EPCAM: variants seen among roughly 807,000 people sequenced by gnomAD.
The protein encoded by EPCAM is epithelial cell adhesion molecule.
EPCAM carries 39 observed loss-of-function variants against 40.0 expected under a neutral mutation model. The ratio of observed to expected loss-of-function variants is 0.98; its 90% CI spans 0.76 to 1.27. The LOEUF is 1.27. Among genes scored for constraint, EPCAM ranks in the 50% most tolerant of loss-of-function variants. The pLI, the probability that EPCAM is intolerant of heterozygous loss-of-function variation, is 0.00. For missense variants in EPCAM, 503 were observed against 381.2 expected (o/e 1.32, Z -2.66); for synonymous variants, 168 against 132.3 (o/e 1.27, Z -1.85).
chr2:47,386,631 T>A lies in EPCAM; in HGVS notation c.*18T>A. On this transcript the variant is annotated 3_prime_UTR_variant, in exon 9 of 9. Transcript: ENST00000263735. Reference sequence around the variant, plus strand: ...ATGCATAACTATATAATTTGAAGATTATAGAAGAAGGGAAATAGCAAATGG... The same window carrying A: ...ATGCATAACTATATAATTTGAAGATAATAGAAGAAGGGAAATAGCAAATGG... The A allele has an allele frequency of 4.4e-6, 7 of 1,575,336 alleles. No homozygotes were observed. Among genetic ancestry groups the A allele is most frequent in the Non-Finnish European group, 6.1e-6 (7 of 1,145,824 alleles).
At chr2:47,379,687 G>C in intron 6 of EPCAM, 82 bp from the exon 7 acceptor site, 1 of 1,456,732 alleles carries the variant, frequency 6.9e-7, no homozygotes, top group Non-Finnish European at 9.5e-7. Flanking sequence ...GGTTCTTTTG[G>C]CATACAATTT....
rs749330159 is a variant in EPCAM, at chr2:47,369,810, G to C, written c.76+229G>C. 1.5e-5 allele frequency: 10 copies of C among 673,868 alleles called. No individual in the cohort carries two copies. The East Asian group carries it at 2.8e-4, about 19-fold the overall frequency. The allele number at this position is 673,868 out of a possible 1,614,324, so 41.7% of individuals were successfully genotyped here. A position where few individuals can be genotyped will look rare whatever the true frequency, so the allele number is the denominator to read the frequency against. On this transcript the variant is annotated intron_variant, in intron 1 of 8. Transcript: ENST00000263735. Reference sequence around the variant, plus strand: ...TCACTTCGCAGCTTTGCTCGCCTTGGTAGGGAAATGGCCTTGGGCGGAGGC... The same window carrying C: ...TCACTTCGCAGCTTTGCTCGCCTTGCTAGGGAAATGGCCTTGGGCGGAGGC...
chr2:47,373,867 G>C lies in EPCAM; in HGVS notation c.244G>C (p.Ala82Pro), dbSNP rs769626395. The C allele has an allele frequency of 1.2e-6, 2 of 1,614,064 alleles. No homozygotes were observed. Among genetic ancestry groups the C allele is most frequent in the East Asian group, 2.2e-5 (1 of 44,880 alleles). ...EMNGSKLGRR[A>P]KPEGALQNND... ...GAATGGCTCAAAACTTGGGAGAAGA[G>C]CAAAACCTGAAGGGGCCCTCCAGAA... The change falls in exon 3 of 9, where the codon GCA (alanine) becomes CCA (proline). Residue 82 changes from alanine (A) to proline (P), a missense_variant. Transcript: ENST00000263735.
intron 5 of EPCAM, among the ~76,000 whole-genome samples, chr2:47,377,958 C>T (rs28609437): frequency 0.27 from 40,744 of 151,864 alleles, 5,884 homozygotes; most frequent in East Asian, 0.56. Context: ...GATGGCCGGG[C>T]ACGGTGGCTC....
rs1558438101 is a variant in EPCAM at position 47,379,050 on chromosome 2, AAG to A, written c.655_656del (p.Asp219CysfsTer2). 1 of 1,512,554 alleles carries A rather than the reference AAG, an allele frequency of 6.6e-7. No individual in the cohort carries two copies. The highest frequency in any genetic ancestry group is 9.2e-7 in the Non-Finnish European group (1 of 1,087,608). 93.7% of individuals were successfully genotyped at this position (1,512,554 alleles called of 1,614,324 possible). On this transcript the variant is annotated frameshift_variant and splice_region_variant, in exon 6 of 9. Coordinates refer to ENST00000263735, the MANE Select transcript of EPCAM (RefSeq NM_002354.3). LOFTEE classifies it high-confidence loss of function. ...GCTGATGTGGCTTATTATTTTGAAA[AAG>A]ATGTGAGTATCATCTTCTTTATTCC...
At chr2:47,370,258 T>A (rs1671217461) in intron 1 of EPCAM, among the ~76,000 whole-genome samples, 1 of 152,126 alleles carries the variant, frequency 6.6e-6, no homozygotes, top group Non-Finnish European at 1.5e-5. Context: ...AGGTGTATCT[T>A]TCTTTCTTTT....
chr2:47,375,937 C>T (rs1277341275), intron 4 of EPCAM, among the ~76,000 whole-genome samples: 3 of 152,104 alleles, frequency 2.0e-5, no homozygotes, highest in Non-Finnish European at 4.4e-5. Context: ...AACTCCTGAA[C>T]TTGTGATCCT....
chr2:47,372,722 C>T (rs987125079), intron 1 of EPCAM, among the ~76,000 whole-genome samples: 47 of 151,298 alleles, frequency 3.1e-4, no homozygotes, highest in African/African-American at 1.1e-3. Context: ...CAGTGAGCTG[C>T]GATTGTACCA....
At chr2:47,379,107 C>G in intron 6 of EPCAM, 53 bp downstream of exon 6, 2 of 944,432 alleles carry the variant, frequency 2.1e-6, no homozygotes, top group Non-Finnish European at 3.5e-6. Flanking sequence ...TATCATGCCT[C>G]AATGAATTAA....
At chr2:47,372,748 C>T (rs567545780) in intron 1 of EPCAM, among the ~76,000 whole-genome samples, 5 of 151,410 alleles carry the variant, frequency 3.3e-5, no homozygotes, top group African/African-American at 9.7e-5. Context: ...ATCCAGCCTG[C>T]ACGACAGAGT....
chr2:47,384,344 TCCAC>T (rs1237670776), intron 7 of EPCAM, among the ~76,000 whole-genome samples: 2 of 151,798 alleles, frequency 1.3e-5, no homozygotes, highest in African/African-American at 4.8e-5. Context: ...CCTAAAGTGA[TCCAC>T]CCACCTCAGC....
In EPCAM at chr2:47,379,017, T is replaced by G; in HGVS notation, c.620T>G (p.Val207Gly). ...TCTTCTCAAAAAACTCAGAATGATGTGGACATAGCTGATGTGGCTTATTAT... is the reference window on the plus strand; with the variant it reads ...TCTTCTCAAAAAACTCAGAATGATGGGGACATAGCTGATGTGGCTTATTAT... ...QNSSQKTQND[V>G]DIADVAYYFE... Residue 207 changes from valine to glycine, a missense_variant, in exon 6 of 9, where the codon GTG becomes GGG. Val to Gly is a moderately radical substitution (Grantham distance 109). Transcript: ENST00000263735. The G allele has an allele frequency of 1.2e-6, 2 of 1,600,566 alleles. No homozygotes were observed. Among genetic ancestry groups the G allele is most frequent in the Non-Finnish European group, 1.7e-6 (2 of 1,167,748 alleles).
intron 8 of EPCAM, among the ~76,000 whole-genome samples, chr2:47,385,646 A>AT (rs1409084555): frequency 6.6e-6 from 1 of 152,178 alleles, no homozygotes; most frequent in Non-Finnish European, 1.5e-5. Context: ...AAAGTGTCAG[A>AT]TTGTTAGTGT....
chr2:47,371,270 T>TC (rs1260283971), intron 1 of EPCAM, among the ~76,000 whole-genome samples: 4 of 152,074 alleles, frequency 2.6e-5, no homozygotes, highest in Non-Finnish European at 5.9e-5. Context: ...TCTCTCTCTC[T>TC]TTTTTTTGGA....
At chr2:47,372,531 T>C (rs918025895) in intron 1 of EPCAM, among the ~76,000 whole-genome samples, 5 of 152,054 alleles carry the variant, frequency 3.3e-5, no homozygotes, top group African/African-American at 4.8e-5. Context: ...CCCAGCACTT[T>C]GGTAGGCCGA....
intron 4 of EPCAM, among the ~76,000 whole-genome samples, chr2:47,375,963 C>G (rs909859766): frequency 6.6e-6 from 1 of 152,112 alleles, no homozygotes; most frequent in African/African-American, 2.4e-5. Context: ...CTCTGCCTCC[C>G]AAAGTGCTGC....
chr2:47,369,650 GC>G, intron 1 of EPCAM, 69 bp downstream of exon 1: 1 of 1,478,674 alleles, frequency 6.8e-7, no homozygotes, highest in Non-Finnish European at 9.3e-7. Flanking sequence ...CCGGCCCTCG[GC>G]CCCCGAAACG....
At chr2:47,373,300 C>T (rs1435797822) in intron 1 of EPCAM, among the ~76,000 whole-genome samples, 163 bp from the exon 2 acceptor site, 1 of 149,518 alleles carries the variant, frequency 6.7e-6, no homozygotes, top group Non-Finnish European at 1.5e-5. Context: ...AAGTGCCAGG[C>T]ACTTAGGCAG....
At position 47,373,456 on chromosome 2, in the gene EPCAM, T is replaced by A. The variant is rs779866768; in HGVS notation, c.77-7T>A. On this transcript the variant is annotated splice_polypyrimidine_tract_variant and splice_region_variant and intron_variant, in intron 1 of 8. Coordinates refer to ENST00000263735, the MANE Select transcript of EPCAM (RefSeq NM_002354.3). ...TTTTAAAGTAGATTTTTTTTTTAAT[T>A]TTCTAGAATGTGTCTGTGAAAACTA... 1 of 1,589,066 alleles carries A rather than the reference T, an allele frequency of 6.3e-7. No homozygotes were observed. Among genetic ancestry groups the A allele is most frequent in the Non-Finnish European group, 8.6e-7 (1 of 1,159,180 alleles).
Sources: allele counts gnomAD v4.1 joint callset (sites outside exome capture counted in the v4.1 genomes callset), GRCh38; gene constraint gnomAD v4.1.1; transcripts MANE v1.5; gene names NCBI Gene and HGNC (gene_info 2026-07-23, HGNC 2026-07-21).